CASP5: variants seen among roughly 807,000 people sequenced by gnomAD.
The protein encoded by CASP5 is caspase 5.
A neutral mutation model predicts 45.2 loss-of-function variants in CASP5; 42 were observed. That is an observed-to-expected ratio of 0.93 (90% CI 0.73 to 1.20). The LOEUF is 1.20. Among genes scored for constraint, CASP5 ranks in the 50% most tolerant of loss-of-function variants. The probability of loss-of-function intolerance (pLI) is 0.00; values close to 1 mark genes in which losing one functional copy is unlikely to be tolerated. For synonymous variants in CASP5, 209 were observed against 186.2 expected (o/e 1.12, Z -1.00); for missense variants, 512 against 532.2 (o/e 0.96, Z 0.37).
Position 105,003,400 on chromosome 11 carries a change from A to C in CASP5, c.434-17T>G. 7.1e-7 allele frequency: 1 copy of C among 1,417,490 alleles called. No homozygotes were observed. Among genetic ancestry groups the C allele is most frequent in the Non-Finnish European group, 9.8e-7 (1 of 1,022,814 alleles). 87.8% of individuals were successfully genotyped at this position (1,417,490 alleles called of 1,614,324 possible). Reference sequence around the variant, plus strand: ...GCAGAAGAGCTGTGGGATATCACAAAATATAAATTATGGTTTCTGCCTCTG... The same window carrying C: ...GCAGAAGAGCTGTGGGATATCACAACATATAAATTATGGTTTCTGCCTCTG... On this transcript the variant is annotated splice_polypyrimidine_tract_variant and intron_variant, in intron 3 of 9. Transcript: ENST00000260315.
Position 104,998,756 on chromosome 11 carries a change from C to A in CASP5, c.1096+129G>T, listed in dbSNP as rs1018389101. On this transcript the variant is annotated intron_variant, in intron 7 of 9. Coordinates refer to ENST00000260315, the MANE Select transcript of CASP5 (RefSeq NM_004347.5). ...TTCTCACAGCACACATAAGATCATG[C>A]AAAATATATAGAGAGCACACACCAT... 1.6e-5 allele frequency: 14 copies of A among 879,796 alleles called. No individual in the cohort carries two copies. In the South Asian group the frequency reaches 2.4e-4, roughly 15 times the overall value. The allele number at this position is 879,796 out of a possible 1,614,324, so 54.5% of individuals were successfully genotyped here.
intron 1 of CASP5, among the ~76,000 whole-genome samples, chr11:105,014,891 A>G (rs550390242): frequency 4.6e-5 from 7 of 152,186 alleles, no homozygotes; most frequent in Admixed American, 6.5e-5. Context: ...CAGGTAGAAG[A>G]TAGCTGTCCA....
At chr11:105,008,724 A>T in intron 2 of CASP5, 83 bp downstream of exon 2, 3 of 927,792 alleles carry the variant, frequency 3.2e-6, no homozygotes, top group Non-Finnish European at 5.1e-6. Context: ...GGATAGGGGG[A>T]TCACAGAAGT....
At chr11:105,019,171 T>C (rs1339003084) in intron 1 of CASP5, among the ~76,000 whole-genome samples, 1 of 150,088 alleles carries the variant, frequency 6.7e-6, no homozygotes, top group African/African-American at 2.5e-5. Flanking sequence ...TAGAGGGAAA[T>C]TTATAGCACT....
chr11:105,007,146 C>A lies in CASP5; in HGVS notation c.370G>T (p.Val124Leu), dbSNP rs146224408. 11 of 1,613,506 alleles carry A rather than the reference C, an allele frequency of 6.8e-6. No homozygotes were observed. The highest frequency in any genetic ancestry group is 1.3e-5 in the African/African-American group (1 of 74,902). Residue 124 changes from valine to leucine, a missense_variant, in exon 3 of 10, where the codon GTG becomes TTG. Physicochemically the swap from Val to Leu is conservative, Grantham distance 32. Transcript: ENST00000260315. ...ILVDSLRKNR[V>L]AHQMFTQTLL... ...GTTTGGGTAAACATTTGATGAGCCA[C>A]GCGATTCTTTCGCAAAGAGTCTACC... is the stretch of plus-strand genomic sequence containing the variant.
rs2134724816 is a variant in CASP5, at chr11:105,008,935, A to G, written c.53T>C (p.Phe18Ser). 6.2e-7 allele frequency: 1 copy of G among 1,612,008 alleles called. No individual in the cohort carries two copies. Among genetic ancestry groups the G allele is most frequent in the East Asian group, 2.2e-5 (1 of 44,858 alleles). The part of the protein sequence containing the change: ...KKRRKNFEAM[F>S]KGILQSGLDN... ...CAATCCACTCTGAAGGATACCTTTG[A>G]ACATAGCTTCAAAATTCTTACGCCT... Residue 18 changes from phenylalanine to serine, a missense_variant, in exon 2 of 10, where the codon TTC becomes TCC. Physicochemically the swap from Phe to Ser is radical, Grantham distance 155. Transcript: ENST00000260315.
chr11:104,998,924 C>T lies in CASP5; in HGVS notation c.1057G>A (p.Glu353Lys), dbSNP rs45619739. The part of the protein sequence containing the change: ...LEADSVCKIH[E>K]EKDFIAFCSS... ...CAGAAAGCAATGAAGTCCTTCTCCT[C>T]GTGGATCTTGCAAACAGAATCTGCC... The change falls in exon 7 of 10, where the codon GAG becomes AAG. Residue 353 changes from glutamate (E) to lysine (K), a missense_variant. By Grantham distance (56) the Glu-to-Lys change is moderately conservative. Coordinates refer to ENST00000260315, the MANE Select transcript of CASP5 (RefSeq NM_004347.5). 1,970 of 1,613,938 alleles carry T rather than the reference C, an allele frequency of 1.2e-3. 21 individuals carry two copies. In the African/African-American group the frequency reaches 0.019, roughly 15 times the overall value.
At chr11:104,998,751 T>C in intron 7 of CASP5, 134 bp downstream of exon 7, 1 of 819,442 alleles carries the variant, frequency 1.2e-6, no homozygotes, top group Non-Finnish European at 1.9e-6. Flanking sequence ...ACACATAAGA[T>C]CATGCAAAAT....
chr11:105,019,046 T>C lies in CASP5; in HGVS notation c.7+4084A>G, dbSNP rs953937679. Reference sequence around the variant, plus strand: ...ACATGGAAACTGAACAACCTGCTCCTGAATGACTACTGGGTACATAATGAA... The same window carrying C: ...ACATGGAAACTGAACAACCTGCTCCCGAATGACTACTGGGTACATAATGAA... On this transcript the variant is annotated intron_variant, in intron 1 of 9. Transcript: ENST00000260315. Among the ~76,000 whole-genome samples, 11 of 146,468 alleles carry C rather than the reference T, an allele frequency of 7.5e-5. No homozygotes were observed. The East Asian group carries it at 1.7e-3, about 23-fold the overall frequency.
chr11:105,016,491 C>G (rs1472458000), intron 1 of CASP5, among the ~76,000 whole-genome samples: 1 of 152,168 alleles, frequency 6.6e-6, no homozygotes, highest in Non-Finnish European at 1.5e-5. Context: ...CATTGCCTCA[C>G]TCGGGAAGCG....
chr11:105,021,013 C>T (rs1344878686), intron 1 of CASP5, among the ~76,000 whole-genome samples: 10 of 151,990 alleles, frequency 6.6e-5, no homozygotes, highest in Non-Finnish European at 1.5e-4. Context: ...CGCATATCTA[C>T]AACTATCTGA....
Position 104,998,993 on chromosome 11 carries a change from C to T in CASP5, c.988G>A (p.Ala330Thr). Residue 330 changes from alanine (A) to threonine (T), a missense_variant, in exon 7 of 10, where the codon GCA becomes ACA. Transcript: ENST00000260315. Reference sequence around the variant, plus strand: ...TGTGAAGAGATGAGTGCCAAGGATGCTGGAGAGTCTCTGACCCAGAGTTCC... The same window carrying T: ...TGTGAAGAGATGAGTGCCAAGGATGTTGGAGAGTCTCTGACCCAGAGTTCC... ...HGELWVRDSP[A>T]SLALISSQSS... The T allele has an allele frequency of 6.2e-7, 1 of 1,613,160 alleles. No individual in the cohort carries two copies. Among genetic ancestry groups the T allele is most frequent in the Non-Finnish European group, 8.5e-7 (1 of 1,179,584 alleles).
intron 5 of CASP5, 82 bp downstream of exon 5, chr11:105,001,946 T>C (rs1403147514): frequency 3.5e-5 from 50 of 1,436,722 alleles, no homozygotes; most frequent in Non-Finnish European, 4.6e-5. Context: ...TTAAACCTTG[T>C]TGAACTTCTA....
intron 7 of CASP5, 135 bp downstream of exon 7, chr11:104,998,750 A>G: frequency 2.4e-6 from 2 of 818,058 alleles, no homozygotes; most frequent in Non-Finnish European, 3.8e-6. Context: ...CACACATAAG[A>G]TCATGCAAAA....
intron 6 of CASP5, among the ~76,000 whole-genome samples, chr11:105,000,019 T>A (rs1861647735): frequency 1.3e-5 from 2 of 152,356 alleles, no homozygotes; most frequent in South Asian, 4.1e-4. Flanking sequence ...ATTTAGGGAT[T>A]CTGATGATCT....
chr11:105,018,273 A>G lies in CASP5; in HGVS notation c.7+4857T>C, dbSNP rs1458110034. Among the ~76,000 whole-genome samples the G allele has an allele frequency of 4.0e-5, 6 of 151,474 alleles. No homozygotes were observed. The East Asian group carries it at 9.8e-4, about 25-fold the overall frequency. On this transcript the variant is annotated intron_variant, in intron 1 of 9. Transcript: ENST00000260315. ...CTAACGAGCAAAATAACCAGCTAACATCATAATGACAGGATCAAATTCACA... is the reference window on the plus strand; with the variant it reads ...CTAACGAGCAAAATAACCAGCTAACGTCATAATGACAGGATCAAATTCACA...
intron 1 of CASP5, among the ~76,000 whole-genome samples, chr11:105,018,597 A>G (rs1192031394): frequency 2.1e-5 from 3 of 143,808 alleles, no homozygotes; most frequent in Non-Finnish European, 4.6e-5. Flanking sequence ...TTCAACAAGA[A>G]GAGCTAACTA....
chr11:104,997,067 C>T (rs1438106314), intron 8 of CASP5, among the ~76,000 whole-genome samples: 1 of 152,132 alleles, frequency 6.6e-6, no homozygotes, highest in African/African-American at 2.4e-5. Context: ...CCCCTCACCT[C>T]CATCCAGTTT....
intron 1 of CASP5, among the ~76,000 whole-genome samples, chr11:105,018,947 C>T (rs1862787007): frequency 6.6e-6 from 1 of 150,604 alleles, no homozygotes; most frequent in African/African-American, 2.4e-5. Flanking sequence ...GAAATTATAA[C>T]AAACTATCTC....
Sources: gnomAD v4.1 joint callset for allele counts (sites outside exome capture counted in the v4.1 genomes callset) on GRCh38, gnomAD v4.1.1 for gene constraint, MANE v1.5 for transcripts, NCBI Gene and HGNC (gene_info 2026-07-23, HGNC 2026-07-21) for gene names.